DLG2: variants seen among roughly 807,000 people sequenced by gnomAD.
DLG2 encodes the protein disks large homolog 2.
DLG2 carries 45 observed loss-of-function variants against 132.5 expected under a neutral mutation model. The ratio of observed to expected loss-of-function variants is 0.34; its 90% CI spans 0.27 to 0.44. The LOEUF (loss-of-function observed/expected upper bound fraction) is 0.44, where lower values mean the gene tolerates loss of function less well. Ranked by LOEUF, DLG2 falls within the 20% of genes least tolerant of loss-of-function variation. The pLI is 1.00. For synonymous variants in DLG2, 424 were observed against 419.6 expected (o/e 1.01, Z -0.13); for missense variants, 1,045 against 1,196.9 (o/e 0.87, Z 1.87).
chr11:83,869,085 A>T (rs1465779527), intron 16 of DLG2, among the ~76,000 whole-genome samples: 1 of 152,214 alleles, frequency 6.6e-6, no homozygotes, highest in African/African-American at 2.4e-5. Flanking sequence ...ACTCAACCTG[A>T]TCACTTCGTA....
intron 6 of DLG2, among the ~76,000 whole-genome samples, chr11:84,573,148 C>T (rs2099489857): frequency 6.6e-6 from 1 of 152,128 alleles, no homozygotes; most frequent in African/African-American, 2.4e-5. Context: ...TGCCTGCAGT[C>T]TAACCTCTCT....
intron 6 of DLG2, among the ~76,000 whole-genome samples, chr11:84,757,166 C>T (rs984246196): frequency 9.2e-5 from 14 of 152,158 alleles, no homozygotes; most frequent in Admixed American, 7.9e-4. Context: ...TCCAAGGACT[C>T]AGTGTGGTCC....
chr11:84,050,750 C>A (rs560056089), intron 11 of DLG2, among the ~76,000 whole-genome samples: 28 of 152,020 alleles, frequency 1.8e-4, no homozygotes, highest in African/African-American at 6.0e-4. Context: ...AGCCAGTTTT[C>A]CCAGCACCAT....
intron 3 of DLG2, among the ~76,000 whole-genome samples, chr11:85,420,354 T>C (rs2090192262): frequency 1.3e-5 from 2 of 152,108 alleles, no homozygotes; most frequent in Admixed American, 6.6e-5. Flanking sequence ...AGTTCTCCTG[T>C]ATGACATGTC....
chr11:85,508,847 A>G (rs1388948003), intron 3 of DLG2, among the ~76,000 whole-genome samples: 1 of 152,088 alleles, frequency 6.6e-6, no homozygotes, highest in Non-Finnish European at 1.5e-5. Context: ...GACAGATAGT[A>G]GACAAGCAAT....
intron 6 of DLG2, among the ~76,000 whole-genome samples, chr11:84,634,103 CAT>C (rs2099636627): frequency 6.6e-6 from 1 of 152,146 alleles, no homozygotes; most frequent in Non-Finnish European, 1.5e-5. Flanking sequence ...GGCATTAAAA[CAT>C]ATGTGAAGAG....
At chr11:84,082,494 T>C (rs1276081659) in intron 10 of DLG2, among the ~76,000 whole-genome samples, 2 of 152,228 alleles carry the variant, frequency 1.3e-5, no homozygotes, top group East Asian at 3.8e-4. Flanking sequence ...GATGGGTTTG[T>C]GAAGTGACTA....
chr11:83,948,729 C>T (rs1565769389), intron 14 of DLG2, among the ~76,000 whole-genome samples: 1 of 152,000 alleles, frequency 6.6e-6, no homozygotes, highest in African/African-American at 2.4e-5. Flanking sequence ...TATGTTTAGA[C>T]ACCAGCTTTG....
chr11:84,797,688 G>A (rs983877561), intron 6 of DLG2, among the ~76,000 whole-genome samples: 2 of 152,144 alleles, frequency 1.3e-5, no homozygotes, highest in African/African-American at 4.8e-5. Context: ...TGTCTGAAAG[G>A]TTACATATTT....
At chr11:84,793,434 GT>G (rs2074147418) in intron 6 of DLG2, among the ~76,000 whole-genome samples, 1 of 152,166 alleles carries the variant, frequency 6.6e-6, no homozygotes, top group South Asian at 2.1e-4. Flanking sequence ...TAAAGTGCAG[GT>G]TAAGTCTGAT....
intron 6 of DLG2, among the ~76,000 whole-genome samples, chr11:84,715,760 A>T (rs2061150709): frequency 6.6e-6 from 1 of 152,134 alleles, no homozygotes; most frequent in South Asian, 2.1e-4. Flanking sequence ...ATGTATCTCT[A>T]TAAAATAGAT....
intron 3 of DLG2, among the ~76,000 whole-genome samples, chr11:85,522,178 A>T (rs951901450): frequency 6.6e-6 from 1 of 152,172 alleles, no homozygotes; most frequent in Non-Finnish European, 1.5e-5. Flanking sequence ...CACTCCAGCC[A>T]TGGCTAAAAG....
chr11:84,192,229 A>G (rs111997939), intron 8 of DLG2, among the ~76,000 whole-genome samples: 3 of 152,324 alleles, frequency 2.0e-5, no homozygotes, highest in African/African-American at 7.2e-5. Flanking sequence ...GGGTGAGTAT[A>G]TGACAGTTTC....
chr11:85,614,556 C>T (rs1006285220), intron 2 of DLG2, among the ~76,000 whole-genome samples: 1 of 152,198 alleles, frequency 6.6e-6, no homozygotes, highest in African/African-American at 2.4e-5. Context: ...AGAAGAACAG[C>T]TTGAACTTGG....
chr11:83,896,888 T>C (rs2071872218), intron 15 of DLG2, among the ~76,000 whole-genome samples: 1 of 152,140 alleles, frequency 6.6e-6, no homozygotes, highest in Non-Finnish European at 1.5e-5. Flanking sequence ...TAGGGCAAAA[T>C]ATAAAGCTTG....
intron 10 of DLG2, among the ~76,000 whole-genome samples, chr11:84,067,982 G>A (rs910956622): frequency 6.6e-6 from 1 of 152,104 alleles, no homozygotes; most frequent in Non-Finnish European, 1.5e-5. Flanking sequence ...GCTTAACCTG[G>A]TTCACTTGTC....
At chr11:83,525,162 T>C (rs1461985526) in intron 21 of DLG2, among the ~76,000 whole-genome samples, 6 of 152,192 alleles carry the variant, frequency 3.9e-5, no homozygotes, top group Admixed American at 3.9e-4. Context: ...TCCCAAAATG[T>C]TCCTTGAGTT....
intron 19 of DLG2, among the ~76,000 whole-genome samples, chr11:83,590,193 T>C (rs1382095087): frequency 0.013 from 2,015 of 149,312 alleles, 49 homozygotes; most frequent in African/African-American, 0.047. Flanking sequence ...ATACATTTTT[T>C]TCAGCACCAC....
chr11:83,904,003 A>G (rs2074122031), intron 15 of DLG2, among the ~76,000 whole-genome samples: 1 of 152,206 alleles, frequency 6.6e-6, no homozygotes, highest in Non-Finnish European at 1.5e-5. Flanking sequence ...ATAAAATATA[A>G]CAATGATTAC....
Sources: allele counts gnomAD v4.1 joint callset (sites outside exome capture counted in the v4.1 genomes callset), GRCh38; gene constraint gnomAD v4.1.1; transcripts MANE v1.5; gene names NCBI Gene and HGNC (gene_info 2026-07-23, HGNC 2026-07-21).